The following SDK2 variants were observed in gnomAD, a reference collection of about 807,000 sequenced individuals.
SDK2 encodes sidekick cell adhesion molecule 2.
SDK2 carries 105 observed loss-of-function variants against 253.9 expected under a neutral mutation model. The ratio of observed to expected loss-of-function variants is 0.41; its 90% CI spans 0.35 to 0.49. SDK2 has a LOEUF of 0.49. Among genes scored for constraint, SDK2 ranks in the 20% least tolerant of loss-of-function variants. SDK2 has a pLI of 0.06. For synonymous variants in SDK2, 1,249 were observed against 1,234.9 expected (o/e 1.01, Z -0.24); for missense variants, 2,608 against 3,003.0 (o/e 0.87, Z 3.07).
chr17:73,416,642 T>C (rs2063184825), intron 16 of SDK2, among the ~76,000 whole-genome samples: 1 of 151,946 alleles, frequency 6.6e-6, no homozygotes, highest in Admixed American at 6.6e-5. Flanking sequence ...CAGGCTGGAG[T>C]GCTATGGCAT....
chr17:73,427,035 A>G (rs2063289393), intron 12 of SDK2, among the ~76,000 whole-genome samples: 1 of 152,122 alleles, frequency 6.6e-6, no homozygotes, highest in South Asian at 2.1e-4. Context: ...CAGTGTGCCG[A>G]GATGGTGCCA....
intron 37 of SDK2, among the ~76,000 whole-genome samples, chr17:73,367,695 G>C (rs1265371325): frequency 6.6e-6 from 1 of 151,998 alleles, no homozygotes; most frequent in African/African-American, 2.4e-5. Context: ...GTAGAGACAG[G>C]GTGTCACCAT....
intron 1 of SDK2, among the ~76,000 whole-genome samples, chr17:73,571,525 C>T (rs2145868062): frequency 6.6e-6 from 1 of 152,342 alleles, no homozygotes; most frequent in East Asian, 1.9e-4. Flanking sequence ...TGTGGGAGTC[C>T]AGCCCGGTGG....
In SDK2 at chr17:73,455,717, TC is replaced by T. The variant is rs1458206192; in HGVS notation, c.479+188del. ...AGGGGACCGGGCATGGGTTTCATGGTCCCAAGTCCTTGCCTGTGCATCCTAA... is the reference window on the plus strand; with the variant it reads ...AGGGGACCGGGCATGGGTTTCATGGTCCAAGTCCTTGCCTGTGCATCCTAA... On this transcript the variant is annotated intron_variant, in intron 4 of 44. Transcript: ENST00000392650. This position sits in a 1 kb window ranked among gnomAD's most constrained non-coding sequence, Gnocchi z 5.0. Among the ~76,000 whole-genome samples, 3 of 152,126 alleles carry T rather than the reference TC, an allele frequency of 2.0e-5. No individual in the cohort carries two copies. Among genetic ancestry groups the T allele is most frequent in the Non-Finnish European group, 2.9e-5 (2 of 68,008 alleles).
At chr17:73,628,557 C>T (rs967781064) in intron 1 of SDK2, among the ~76,000 whole-genome samples, 9 of 152,186 alleles carry the variant, frequency 5.9e-5, no homozygotes, top group African/African-American at 1.9e-4. Context: ...TTCCCCTAAC[C>T]CCACTCATGG....
chr17:73,563,101 G>A (rs1739220727), intron 1 of SDK2, among the ~76,000 whole-genome samples: 1 of 152,238 alleles, frequency 6.6e-6, no homozygotes, highest in South Asian at 2.1e-4. Flanking sequence ...CTGGCGAGGA[G>A]GCTTGGACAG....
intron 10 of SDK2, 103 bp downstream of exon 10, chr17:73,433,629 A>T: frequency 1.2e-6 from 1 of 806,782 alleles, no homozygotes; most frequent in Non-Finnish European, 2.1e-6. Flanking sequence ...TGACCTTCAC[A>T]AGTGTACGTG....
intron 17 of SDK2, 138 bp from the exon 18 acceptor site, chr17:73,414,897 C>A: frequency 1.6e-6 from 1 of 612,288 alleles, no homozygotes; most frequent in Non-Finnish European, 2.9e-6. Context: ...TCCTCCCTCG[C>A]TGTGTAGACT....
Position 73,570,557 on chromosome 17 carries a change from G to A in SDK2, c.65-62960C>T, listed in dbSNP as rs2045370514. 6.6e-6 allele frequency among the ~76,000 whole-genome samples: 1 copy of A among 152,136 alleles called. No individual in the cohort carries two copies. Among genetic ancestry groups the A allele is most frequent in the Non-Finnish European group, 1.5e-5 (1 of 68,016 alleles). ...TGGTGATGGTGAGGCTGATGGTGGT[G>A]ATGTTGCCACCTTCCACTGAGCGCT... On this transcript the variant is annotated intron_variant, in intron 1 of 44. Coordinates refer to ENST00000392650, the MANE Select transcript of SDK2 (RefSeq NM_001144952.2). The surrounding 1 kb of genome is among the most constrained non-coding windows in gnomAD (Gnocchi z 4.2).
intron 2 of SDK2, among the ~76,000 whole-genome samples, 160 bp from the exon 3 acceptor site, chr17:73,472,378 G>A (rs1478159965): frequency 6.6e-6 from 1 of 152,198 alleles, no homozygotes; most frequent in Non-Finnish European, 1.5e-5. Context: ...ATCACACAAA[G>A]GTCTTTATCA....
intron 18 of SDK2, among the ~76,000 whole-genome samples, chr17:73,411,926 C>T (rs1415395711): frequency 7.2e-6 from 1 of 139,316 alleles, no homozygotes; most frequent in African/African-American, 2.7e-5. Flanking sequence ...CATGCGCCAC[C>T]ATGCCCAGTT....
intron 1 of SDK2, among the ~76,000 whole-genome samples, chr17:73,626,026 C>A (rs984714863): frequency 6.6e-6 from 1 of 152,158 alleles, no homozygotes; most frequent in Non-Finnish European, 1.5e-5. Context: ...GGCTATACCC[C>A]CTTTCCGAGC....
At chr17:73,423,895 G>T (rs751360271) in intron 13 of SDK2, 21 bp downstream of exon 13, 1 of 1,534,184 alleles carries the variant, frequency 6.5e-7, no homozygotes, top group East Asian at 2.4e-5. Context: ...CTCTGCCGGG[G>T]TCTGGGAGGG....
chr17:73,470,651 T>C (rs1440035826), intron 3 of SDK2, among the ~76,000 whole-genome samples: 2 of 152,264 alleles, frequency 1.3e-5, no homozygotes, highest in African/African-American at 4.8e-5. Context: ...CCTCCACTTT[T>C]GATTACGGTT....
At chr17:73,369,845 C>T (rs764889933) in intron 36 of SDK2, among the ~76,000 whole-genome samples, 3 of 152,164 alleles carry the variant, frequency 2.0e-5, no homozygotes, top group Non-Finnish European at 2.9e-5. Context: ...GGGATTTCAC[C>T]GTGTTAGCCA....
At position 73,361,924 on chromosome 17, in the gene SDK2, C is replaced by T. The variant is rs1376539819; in HGVS notation, c.5306-79G>A. Reference sequence around the variant, plus strand: ...GAGGCCATGGGGAAGGGGAAGCGGCCGTGGCCTGGGCCCCGGGACCCTGGG... The same window carrying T: ...GAGGCCATGGGGAAGGGGAAGCGGCTGTGGCCTGGGCCCCGGGACCCTGGG... On this transcript the variant is annotated intron_variant, in intron 38 of 44. Coordinates refer to ENST00000392650, the MANE Select transcript of SDK2 (RefSeq NM_001144952.2). The surrounding 1 kb of genome is among the most constrained non-coding windows in gnomAD (Gnocchi z 4.1). 1.7e-5 allele frequency: 25 copies of T among 1,434,404 alleles called. No individual in the cohort carries two copies. Among genetic ancestry groups the T allele is most frequent in the Middle Eastern group, 1.9e-4 (1 of 5,164 alleles). The allele number at this position is 1,434,404 out of a possible 1,614,324, so 88.9% of individuals were successfully genotyped here.
At position 73,435,872 on chromosome 17, in the gene SDK2, G is replaced by A. The variant is rs1016832687; in HGVS notation, c.1001-228C>T. ...GGACAGAGTAAAGATCCGGGAATCAGTTTAGCATGGAAACTGGATTGGACA... is the reference window on the plus strand; with the variant it reads ...GGACAGAGTAAAGATCCGGGAATCAATTTAGCATGGAAACTGGATTGGACA... On this transcript the variant is annotated intron_variant, in intron 8 of 44. Coordinates refer to ENST00000392650, the MANE Select transcript of SDK2 (RefSeq NM_001144952.2). The surrounding 1 kb of genome is among the most constrained non-coding windows in gnomAD (Gnocchi z 5.7). Among the ~76,000 whole-genome samples, 4 of 152,182 alleles carry A rather than the reference G, an allele frequency of 2.6e-5. No individual in the cohort carries two copies. Among genetic ancestry groups the A allele is most frequent in the Non-Finnish European group, 5.9e-5 (4 of 68,038 alleles).
At chr17:73,402,195 C>T (rs1161751157) in intron 18 of SDK2, 54 bp from the exon 19 acceptor site, 4 of 1,556,480 alleles carry the variant, frequency 2.6e-6, no homozygotes, top group Admixed American at 1.7e-5. Flanking sequence ...CAGAGGAGGC[C>T]AAGCCCTCTC....
chr17:73,423,661 T>C (rs2063253406), intron 13 of SDK2, 139 bp from the exon 14 acceptor site: 2 of 1,085,092 alleles, frequency 1.8e-6, no homozygotes, highest in East Asian at 5.5e-5. Flanking sequence ...TCGGGCCATC[T>C]ACCTGGAGAT....
Sources: allele counts gnomAD v4.1 joint callset (sites outside exome capture counted in the v4.1 genomes callset), GRCh38; gene constraint gnomAD v4.1.1; non-coding constraint Gnocchi (gnomAD v3.1); transcripts MANE v1.5; gene names NCBI Gene and HGNC (gene_info 2026-07-23, HGNC 2026-07-21).